The following GRM7 variants were observed in gnomAD, a reference collection of about 807,000 sequenced individuals.
The protein encoded by GRM7 is glutamate metabotropic receptor 7.
GRM7 carries 35 observed loss-of-function variants against 84.5 expected under a neutral mutation model. The observed-to-expected ratio is 0.41, with a 90% CI of 0.32 to 0.55. The LOEUF is 0.55. Among genes scored for constraint, GRM7 ranks in the 20% least tolerant of loss-of-function variants. GRM7 has a pLI of 0.19. For synonymous variants in GRM7, 487 were observed against 455.1 expected (o/e 1.07, Z -0.89); for missense variants, 1,003 against 1,194.6 (o/e 0.84, Z 2.36).
intron 1 of GRM7, among the ~76,000 whole-genome samples, chr3:6,940,239 G>T (rs474133): frequency 6.6e-6 from 1 of 151,792 alleles, no homozygotes; most frequent in African/African-American, 2.4e-5. Flanking sequence ...CTACAGGTGC[G>T]CACCACCATG....
intron 4 of GRM7, among the ~76,000 whole-genome samples, chr3:7,335,983 T>C (rs1701403961): frequency 6.6e-6 from 1 of 152,012 alleles, no homozygotes. Context: ...CAAAGATGAA[T>C]TGGTACCAAT....
intron 5 of GRM7, among the ~76,000 whole-genome samples, chr3:7,441,823 T>C (rs979977966): frequency 2.0e-5 from 3 of 152,192 alleles, no homozygotes; most frequent in Admixed American, 6.5e-5. Context: ...CTCTAAGCTA[T>C]TCCATTGGTC....
At chr3:7,315,119 A>G (rs928109368) in intron 4 of GRM7, among the ~76,000 whole-genome samples, 1 of 152,212 alleles carries the variant, frequency 6.6e-6, no homozygotes, top group Non-Finnish European at 1.5e-5. Flanking sequence ...AACAAAAACA[A>G]AACAAAACAA....
At chr3:7,117,567 C>G (rs1693079802) in intron 1 of GRM7, among the ~76,000 whole-genome samples, 1 of 152,154 alleles carries the variant, frequency 6.6e-6, no homozygotes, top group Admixed American at 6.6e-5. Flanking sequence ...TCCTGGGTAT[C>G]AGAAGACTTG....
intron 1 of GRM7, among the ~76,000 whole-genome samples, chr3:6,944,624 C>T (rs976057055): frequency 1.2e-4 from 19 of 152,018 alleles, no homozygotes; most frequent in African/African-American, 4.6e-4. Context: ...AGGTATTGTT[C>T]TGTAGTTTTC....
chr3:7,509,044 C>G (rs537379508), intron 7 of GRM7, among the ~76,000 whole-genome samples: 1 of 152,206 alleles, frequency 6.6e-6, no homozygotes, highest in South Asian at 2.1e-4. Flanking sequence ...AATATTATGG[C>G]AAAATCTTGG....
At chr3:7,648,248 G>A (rs1173995089) in intron 8 of GRM7, among the ~76,000 whole-genome samples, 1 of 145,954 alleles carries the variant, frequency 6.9e-6, no homozygotes. Context: ...GCTATAAATA[G>A]TTTTTTTTTT....
chr3:7,697,748 C>T (rs1031003422), intron 9 of GRM7, among the ~76,000 whole-genome samples: 2 of 152,130 alleles, frequency 1.3e-5, no homozygotes, highest in African/African-American at 4.8e-5. Flanking sequence ...CATATCTCCC[C>T]AAGGCCAGAA....
intron 7 of GRM7, among the ~76,000 whole-genome samples, chr3:7,557,456 GT>G (rs1179499990): frequency 2.0e-5 from 3 of 152,114 alleles, no homozygotes; most frequent in Non-Finnish European, 4.4e-5. Context: ...TATTTGTCAA[GT>G]GAAAAACATG....
At chr3:7,240,129 T>TTTTTTG (rs1249123161) in intron 2 of GRM7, among the ~76,000 whole-genome samples, 2 of 142,566 alleles carry the variant, frequency 1.4e-5, no homozygotes, top group East Asian at 2.1e-4. Flanking sequence ...GGTTTTTTTT[T>TTTTTTG]TTTTTTTTTT....
At chr3:7,668,069 T>A (rs1699771795) in intron 8 of GRM7, among the ~76,000 whole-genome samples, 1 of 152,172 alleles carries the variant, frequency 6.6e-6, no homozygotes, top group African/African-American at 2.4e-5. Flanking sequence ...TTATTGACAA[T>A]TATGCTTTAT....
intron 4 of GRM7, among the ~76,000 whole-genome samples, chr3:7,388,178 A>G (rs1694858501): frequency 1.3e-5 from 2 of 152,104 alleles, no homozygotes; most frequent in African/African-American, 4.8e-5. Context: ...ATCAGGTCTA[A>G]GAGCCTTTTG....
intron 1 of GRM7, among the ~76,000 whole-genome samples, chr3:6,902,850 TACACACACACAC>T (rs34849112): frequency 3.0e-5 from 4 of 134,430 alleles, no homozygotes; most frequent in Non-Finnish European, 5.1e-5. Context: ...AACAGACTCC[TACACACACACAC>T]ACACACACAC....
At chr3:6,903,957 A>G (rs985148904) in intron 1 of GRM7, among the ~76,000 whole-genome samples, 10 of 152,116 alleles carry the variant, frequency 6.6e-5, no homozygotes, top group Admixed American at 4.6e-4. Flanking sequence ...TCATTTTTCT[A>G]ATAAATGTTA....
At chr3:7,401,930 A>G (rs1695469239) in intron 4 of GRM7, among the ~76,000 whole-genome samples, 1 of 152,194 alleles carries the variant, frequency 6.6e-6, no homozygotes, top group Non-Finnish European at 1.5e-5. Flanking sequence ...TTGATTTATT[A>G]TAAGAATAAA....
intron 7 of GRM7, among the ~76,000 whole-genome samples, chr3:7,472,393 G>A (rs1252923753): frequency 1.3e-5 from 2 of 152,176 alleles, no homozygotes; most frequent in African/African-American, 2.4e-5. Context: ...CTTTTGGTCT[G>A]TAATTGAGCT....
chr3:7,038,482 G>A (rs935338050), intron 1 of GRM7, among the ~76,000 whole-genome samples: 3 of 152,144 alleles, frequency 2.0e-5, no homozygotes, highest in Non-Finnish European at 1.5e-5. Context: ...TTGACTTAGC[G>A]GCTGCCTATG....
At chr3:7,639,704 T>C (rs150912747) in intron 8 of GRM7, among the ~76,000 whole-genome samples, 1 of 152,188 alleles carries the variant, frequency 6.6e-6, no homozygotes, top group Non-Finnish European at 1.5e-5. Context: ...GTATGCAGTA[T>C]ACATATAATT....
intron 9 of GRM7, among the ~76,000 whole-genome samples, chr3:7,729,603 C>T (rs1330622866): frequency 6.6e-6 from 1 of 152,152 alleles, no homozygotes; most frequent in Non-Finnish European, 1.5e-5. Context: ...GTAACTAACG[C>T]TGTATTTTGC....
Sources: gnomAD v4.1 joint callset for allele counts (sites outside exome capture counted in the v4.1 genomes callset) on GRCh38, gnomAD v4.1.1 for gene constraint, MANE v1.5 for transcripts, NCBI Gene and HGNC (gene_info 2026-07-23, HGNC 2026-07-21) for gene names.